The following PKNOX2 variants were observed in gnomAD, a reference collection of about 807,000 sequenced individuals.
The protein encoded by PKNOX2 is homeobox protein PKNOX2.
Under a neutral mutation model 53.1 loss-of-function variants are expected in PKNOX2, and 14 were observed. The observed-to-expected ratio is 0.26, with a 90% CI of 0.17 to 0.41. PKNOX2 has a LOEUF of 0.41. Among genes scored for constraint, PKNOX2 ranks in the 10% least tolerant of loss-of-function variants. The pLI, the probability that PKNOX2 is intolerant of heterozygous loss-of-function variation, is 1.00. For synonymous variants in PKNOX2, 257 were observed against 242.8 expected, an observed-to-expected ratio of 1.06 and a Z score of -0.54; for missense variants, 496 against 602.8, an observed-to-expected ratio of 0.82 and a Z score of 1.85.
In PKNOX2 at chr11:125,246,808, T is replaced by C. The variant is rs567513461; in HGVS notation, c.-130+11693T>C. On this transcript the variant is annotated intron_variant, in intron 2 of 12. Coordinates refer to ENST00000298282, the MANE Select transcript of PKNOX2 (RefSeq NM_001382323.2). ...GTCTACTTTTCCCTCTTAGGCCCTG[T>C]GCTTTGATCCTGGGCATTAGGGAGG... is the stretch of plus-strand genomic sequence containing the variant. Among the ~76,000 whole-genome samples, 241 of 152,330 alleles carry C rather than the reference T, an allele frequency of 1.6e-3. 3 individuals carry two copies. Among genetic ancestry groups the C allele is most frequent in the Non-Finnish European group, 1.7e-3 (116 of 68,030 alleles).
chr11:125,335,146 G>A (rs548028277), intron 3 of PKNOX2, among the ~76,000 whole-genome samples: 19 of 152,302 alleles, frequency 1.2e-4, no homozygotes, highest in Non-Finnish European at 1.6e-4. Context: ...AGGGAAGGGC[G>A]ATGTGGTCTG....
In PKNOX2 at chr11:125,350,245, A is replaced by T. The variant is rs148176145; in HGVS notation, c.-22-1039A>T. Among the ~76,000 whole-genome samples, 467 of 152,300 alleles carry T rather than the reference A, an allele frequency of 3.1e-3. 2 individuals are homozygous for T. The highest frequency in any genetic ancestry group is 4.8e-3 in the Non-Finnish European group (325 of 68,026). On this transcript the variant is annotated intron_variant, in intron 3 of 12. Coordinates refer to ENST00000298282, the MANE Select transcript of PKNOX2 (RefSeq NM_001382323.2). Reference sequence around the variant, plus strand: ...TGGACATTCTGTTTCCTTGGGTGGCACAGCCGGGCTGTCTCCACTTATGGC... The same window carrying T: ...TGGACATTCTGTTTCCTTGGGTGGCTCAGCCGGGCTGTCTCCACTTATGGC...
At chr11:125,171,009 G>A (rs990152984) in intron 1 of PKNOX2, among the ~76,000 whole-genome samples, 8 of 131,838 alleles carry the variant, frequency 6.1e-5, no homozygotes, top group African/African-American at 2.2e-4. Context: ...ATCCAGATGG[G>A]CCAGAAAGCG....
intron 2 of PKNOX2, among the ~76,000 whole-genome samples, chr11:125,296,217 C>T (rs559450794): frequency 5.9e-5 from 9 of 152,144 alleles, no homozygotes; most frequent in Non-Finnish European, 1.3e-4. Context: ...AGCCAGTTTC[C>T]ATTTAAAATG....
chr11:125,201,728 A>G (rs1298362721), intron 1 of PKNOX2, among the ~76,000 whole-genome samples: 1 of 152,088 alleles, frequency 6.6e-6, no homozygotes, highest in Non-Finnish European at 1.5e-5. Flanking sequence ...CCTGTTATTA[A>G]TGGCCATGTG....
At chr11:125,313,711 A>G (rs1948972025) in intron 2 of PKNOX2, among the ~76,000 whole-genome samples, 1 of 152,190 alleles carries the variant, frequency 6.6e-6, no homozygotes, top group Non-Finnish European at 1.5e-5. Context: ...CTAACGTGGC[A>G]GCTGGTAGCC....
Position 125,398,027 on chromosome 11 carries a change from T to C in PKNOX2, c.553T>C (p.Ser185Pro), listed in dbSNP as rs1318255864. The change falls in exon 7 of 13, where the codon TCC (serine) becomes CCC (proline). Residue 185 changes from serine to proline, a missense_variant. By Grantham distance (74) the Ser-to-Pro change is moderately conservative. This residue lies in a region of PKNOX2 where 141 missense variants were observed against 143.9 expected (regional missense o/e 0.98). Coordinates refer to ENST00000298282, the MANE Select transcript of PKNOX2 (RefSeq NM_001382323.2). ...LLRNDLGGPY[S>P]PNQPSINLHS... The stretch of plus-strand genomic sequence containing the variant: ...CAGGAATGATCTAGGGGGGCCCTAC[T>C]CCCCCAACCAGCCCTCCATCAACCT... The C allele has an allele frequency of 6.2e-7, 1 of 1,613,188 alleles. No individual in the cohort carries two copies. The highest frequency in any genetic ancestry group is 1.7e-5 in the Admixed American group (1 of 59,922).
chr11:125,410,458 T>G (rs1334313630), intron 8 of PKNOX2, 133 bp downstream of exon 8: 11 of 1,286,706 alleles, frequency 8.5e-6, no homozygotes, highest in Non-Finnish European at 1.2e-5. Flanking sequence ...TTGACTAAAG[T>G]TTTCTGTAAG....
chr11:125,354,705 G>A (rs772220594), intron 4 of PKNOX2, among the ~76,000 whole-genome samples: 31 of 152,110 alleles, frequency 2.0e-4, no homozygotes, highest in Non-Finnish European at 3.4e-4. Context: ...TTTTCAAGGC[G>A]AGTTCTTAAC....
At chr11:125,315,685 A>G (rs965160760) in intron 2 of PKNOX2, among the ~76,000 whole-genome samples, 5 of 152,202 alleles carry the variant, frequency 3.3e-5, no homozygotes, top group Non-Finnish European at 7.3e-5. Flanking sequence ...TCCATGCTTC[A>G]GATGAGCCAG....
chr11:125,412,025 G>C (rs1399757848), intron 10 of PKNOX2, among the ~76,000 whole-genome samples, 160 bp downstream of exon 10: 1 of 152,196 alleles, frequency 6.6e-6, no homozygotes, highest in Non-Finnish European at 1.5e-5. Context: ...CCAGGCCAGG[G>C]GGGCTCAGGT....
intron 1 of PKNOX2, among the ~76,000 whole-genome samples, chr11:125,185,333 A>G (rs1377457133): frequency 3.9e-5 from 6 of 152,102 alleles, no homozygotes; most frequent in Non-Finnish European, 5.9e-5. Flanking sequence ...ATTACACTCT[A>G]TATTTTCTAT....
intron 1 of PKNOX2, among the ~76,000 whole-genome samples, chr11:125,221,176 G>A (rs1941114230): frequency 6.6e-6 from 1 of 151,996 alleles, no homozygotes; most frequent in South Asian, 2.1e-4. Context: ...AACAAAAATT[G>A]TCACCATCTA....
chr11:125,399,784 G>A (rs555457049), intron 7 of PKNOX2, among the ~76,000 whole-genome samples: 2 of 152,316 alleles, frequency 1.3e-5, no homozygotes, highest in South Asian at 4.1e-4. Flanking sequence ...CTCTGGAGCT[G>A]GGGGTGCACC....
At chr11:125,346,845 G>A (rs1264877210) in intron 3 of PKNOX2, among the ~76,000 whole-genome samples, 1 of 152,040 alleles carries the variant, frequency 6.6e-6, no homozygotes, top group Non-Finnish European at 1.5e-5. Flanking sequence ...AAGGAGGGGA[G>A]GAGGTCAGGG....
intron 2 of PKNOX2, among the ~76,000 whole-genome samples, chr11:125,318,325 T>C (rs549424085): frequency 6.6e-6 from 1 of 151,616 alleles, no homozygotes; most frequent in South Asian, 2.1e-4. Context: ...TTTACCATGT[T>C]GCCCAGGTTG....
Position 125,385,579 on chromosome 11 carries a change from C to CCGACG in PKNOX2, c.256_257insCGACG (p.Leu86ProfsTer50). 6.2e-7 allele frequency: 1 copy of CCGACG among 1,611,362 alleles called. No individual in the cohort carries two copies. The highest frequency in any genetic ancestry group is 1.7e-5 in the Admixed American group (1 of 59,414). ...CCCTCTTTTCCCGCTCCTGACGCTG[C>CCGACG]TGTTTGAGAAATGTGAACAGGCCAC... On this transcript the variant is annotated frameshift_variant, in exon 6 of 13. Coordinates refer to ENST00000298282, the MANE Select transcript of PKNOX2 (RefSeq NM_001382323.2). LOFTEE classifies it high-confidence loss of function.
chr11:125,283,006 G>T (rs1016458585), intron 2 of PKNOX2, among the ~76,000 whole-genome samples: 5 of 152,076 alleles, frequency 3.3e-5, no homozygotes, highest in Non-Finnish European at 5.9e-5. Context: ...ACAAAAATTA[G>T]CCAGGTGTGG....
chr11:125,276,760 G>A (rs985805274), intron 2 of PKNOX2, among the ~76,000 whole-genome samples: 3 of 152,214 alleles, frequency 2.0e-5, no homozygotes, highest in African/African-American at 7.2e-5. Flanking sequence ...AAATGTGGTA[G>A]TTTTTTCTGA....
Sources: gnomAD v4.1 joint callset for allele counts (sites outside exome capture counted in the v4.1 genomes callset) on GRCh38, gnomAD v4.1.1 for gene constraint, gnomAD v4.1.1 regional missense constraint, MANE v1.5 for transcripts, NCBI Gene and HGNC (gene_info 2026-07-23, HGNC 2026-07-21) for gene names.